IGF2BP3: variants seen among roughly 807,000 people sequenced by gnomAD.
IGF2BP3 encodes the protein insulin-like growth factor 2 mRNA-binding protein 3.
IGF2BP3 carries 9 observed loss-of-function variants against 73.8 expected under a neutral mutation model. That is an observed-to-expected ratio of 0.12 (90% CI 0.07 to 0.21). IGF2BP3 has a LOEUF of 0.21. Among genes scored for constraint, IGF2BP3 ranks in the 10% least tolerant of loss-of-function variants. The pLI is 1.00. For synonymous variants in IGF2BP3, 258 were observed against 256.7 expected, an observed-to-expected ratio of 1.01 and a Z score of -0.05; for missense variants, 542 against 714.0, an observed-to-expected ratio of 0.76 and a Z score of 2.75.
At position 23,312,231 on chromosome 7, in the gene IGF2BP3, T is replaced by A. The variant is rs1251931508; in HGVS notation, c.*131A>T. 1.4e-5 allele frequency: 10 copies of A among 694,790 alleles called. No individual in the cohort carries two copies. Among genetic ancestry groups the A allele is most frequent in the Admixed American group, 2.3e-5 (1 of 42,806 alleles). 43.0% of individuals were successfully genotyped at this position (694,790 alleles called of 1,614,324 possible). A position where few individuals can be genotyped will look rare whatever the true frequency, so the allele number is the denominator to read the frequency against. On this transcript the variant is annotated 3_prime_UTR_variant, in exon 15 of 15. Coordinates refer to ENST00000258729, the MANE Select transcript of IGF2BP3 (RefSeq NM_006547.3). Reference sequence around the variant, plus strand: ...AGACAGGAGTTCAAAAGTTGCCTGGTCCTCAGAAACAACTGGCTAGGTAAA... The same window carrying A: ...AGACAGGAGTTCAAAAGTTGCCTGGACCTCAGAAACAACTGGCTAGGTAAA...
chr7:23,357,264 G>A (rs953702810), intron 5 of IGF2BP3, among the ~76,000 whole-genome samples: 2 of 151,272 alleles, frequency 1.3e-5, no homozygotes, highest in Admixed American at 6.6e-5. Context: ...GAACTGCAAT[G>A]ATAGTTTCTT....
intron 2 of IGF2BP3, among the ~76,000 whole-genome samples, chr7:23,428,208 A>C (rs990506498): frequency 6.6e-6 from 1 of 152,034 alleles, no homozygotes; most frequent in Non-Finnish European, 1.5e-5. Context: ...GCAATGGCTC[A>C]TGCCTGTAAT....
rs1787937669 is a variant in IGF2BP3, at chr7:23,441,603, A to AG, written c.237-22780_237-22779insC. Reference sequence around the variant, plus strand: ...AAAAAAAAAAAAAAAAAAAAAAAAAAAGACACATATGTTAAAATTCTGTAG... The same window carrying AG: ...AAAAAAAAAAAAAAAAAAAAAAAAAAGAGACACATATGTTAAAATTCTGTAG... On this transcript the variant is annotated intron_variant, in intron 2 of 14. Transcript: ENST00000258729. 2.1e-5 allele frequency among the ~76,000 whole-genome samples: 3 copies of AG among 142,320 alleles called. No homozygotes were observed. In the South Asian group the frequency reaches 6.8e-4, roughly 32 times the overall value. The allele number at this position is 142,320 out of a possible 152,430, so 93.4% of individuals were successfully genotyped here.
chr7:23,402,858 G>A (rs921194208), intron 3 of IGF2BP3: 1 of 152,200 alleles, frequency 6.6e-6, no homozygotes, highest in African/African-American at 2.4e-5. Context: ...GAATGATTTA[G>A]AACAGTAATT....
chr7:23,408,226 GACAGTACATT>G (rs1786907183), intron 3 of IGF2BP3, among the ~76,000 whole-genome samples: 1 of 144,222 alleles, frequency 6.9e-6, no homozygotes, highest in African/African-American at 2.5e-5. Context: ...GGAGGTCCTA[GACAGTACATT>G]ACAGCAATAA....
intron 2 of IGF2BP3, among the ~76,000 whole-genome samples, chr7:23,440,590 C>T (rs1158074513): frequency 6.6e-6 from 1 of 152,224 alleles, no homozygotes; most frequent in Non-Finnish European, 1.5e-5. Flanking sequence ...GAATGTGTTA[C>T]ACAGCCAAGT....
chr7:23,329,360 A>T (rs1784386714), intron 10 of IGF2BP3, among the ~76,000 whole-genome samples: 1 of 152,208 alleles, frequency 6.6e-6, no homozygotes, highest in Non-Finnish European at 1.5e-5. Flanking sequence ...ACCACAGTTG[A>T]TTTACCTCAC....
chr7:23,311,881 A>G lies in IGF2BP3; in HGVS notation c.*481T>C. 1 of 154,338 alleles carries G rather than the reference A, an allele frequency of 6.5e-6. No homozygotes were observed. Among genetic ancestry groups the G allele is most frequent in the South Asian group, 2.0e-4 (1 of 4,934 alleles). The allele number at this position is 154,338 out of a possible 1,614,324, so 9.6% of individuals were successfully genotyped here. A position where few individuals can be genotyped will look rare whatever the true frequency, so the allele number is the denominator to read the frequency against. On this transcript the variant is annotated 3_prime_UTR_variant, in exon 15 of 15. Coordinates refer to ENST00000258729, the MANE Select transcript of IGF2BP3 (RefSeq NM_006547.3). ...TAGGTTACTCATGTTAGTGTTAGGT[A>G]AAAATAAAACTGAGAACAGTTTTTC... is the stretch of plus-strand genomic sequence containing the variant.
intron 3 of IGF2BP3, among the ~76,000 whole-genome samples, chr7:23,418,317 G>A (rs1787249831): frequency 6.6e-6 from 1 of 152,126 alleles, no homozygotes; most frequent in Non-Finnish European, 1.5e-5. Flanking sequence ...ATTCAATTGT[G>A]CTAAATAGTT....
intron 3 of IGF2BP3, among the ~76,000 whole-genome samples, chr7:23,382,883 C>T (rs982171854): frequency 9.0e-6 from 1 of 111,470 alleles, no homozygotes; most frequent in African/African-American, 3.2e-5. Flanking sequence ...TACAGAAAAA[C>T]CTAGCTCTAC....
intron 10 of IGF2BP3, among the ~76,000 whole-genome samples, chr7:23,328,869 G>A (rs1275733773): frequency 2.6e-5 from 4 of 152,118 alleles, no homozygotes; most frequent in Non-Finnish European, 5.9e-5. Context: ...TGGAAAACCA[G>A]AAAGGTCAGG....
rs1375366197 is a variant in IGF2BP3 at position 23,359,350 on chromosome 7, G to C, written c.401+2184C>G. Among the ~76,000 whole-genome samples the C allele has an allele frequency of 2.0e-5, 3 of 152,096 alleles. No homozygotes were observed. In the East Asian group the frequency reaches 5.8e-4, roughly 29 times the overall value. ...TCTTATGCCTCTTCAAATCTACATA[G>C]CTTATGTCTCCAACTTATGTTCTCC... On this transcript the variant is annotated intron_variant, in intron 5 of 14. Coordinates refer to ENST00000258729, the MANE Select transcript of IGF2BP3 (RefSeq NM_006547.3).
At chr7:23,331,661 A>G (rs1784447406) in intron 10 of IGF2BP3, among the ~76,000 whole-genome samples, 1 of 152,114 alleles carries the variant, frequency 6.6e-6, no homozygotes, top group Non-Finnish European at 1.5e-5. Flanking sequence ...GGAGTTCGAG[A>G]CCAACCTGGG....
In IGF2BP3 at chr7:23,343,838, C is replaced by T. The variant is rs1378457055; in HGVS notation, c.957G>A (p.Thr319=). The part of the protein sequence containing the change: ...KITISPLQEL[T]LYNPERTITV... ...TAATAGTGCGTTCTGGATTATACAG[C>T]GTCAATTCCTGCAATCTGCAGAATG... is the stretch of plus-strand genomic sequence containing the variant. The change falls in exon 9 of 15, where the codon ACG becomes ACA. Residue 319 remains threonine, a synonymous_variant. Coordinates refer to ENST00000258729, the MANE Select transcript of IGF2BP3 (RefSeq NM_006547.3). 5 of 1,610,890 alleles carry T rather than the reference C, an allele frequency of 3.1e-6. No individual in the cohort carries two copies. The highest frequency in any genetic ancestry group is 3.3e-4 in the Middle Eastern group (2 of 6,048).
intron 3 of IGF2BP3, among the ~76,000 whole-genome samples, chr7:23,400,048 A>T (rs182712692): frequency 7.2e-4 from 109 of 152,300 alleles, no homozygotes; most frequent in African/African-American, 2.5e-3. Flanking sequence ...ATGGTATAAA[A>T]AGTTTGCATC....
chr7:23,339,806 G>A (rs1323976646), intron 10 of IGF2BP3, among the ~76,000 whole-genome samples: 1 of 152,154 alleles, frequency 6.6e-6, no homozygotes, highest in Non-Finnish European at 1.5e-5. Context: ...CTTTTAGTAA[G>A]TGTCATTTTA....
At chr7:23,342,233 C>T in intron 9 of IGF2BP3, 44 bp from the exon 10 acceptor site, 1 of 1,607,628 alleles carries the variant, frequency 6.2e-7, no homozygotes, top group Admixed American at 1.7e-5. Flanking sequence ...TTAAAAGAAT[C>T]AAGGGAAAGT....
intron 10 of IGF2BP3, among the ~76,000 whole-genome samples, chr7:23,323,300 A>G (rs1319658513): frequency 1.3e-5 from 2 of 148,244 alleles, no homozygotes; most frequent in Non-Finnish European, 3.0e-5. Flanking sequence ...CTTTAAACCA[A>G]CAAAGATCAA....
intron 5 of IGF2BP3, among the ~76,000 whole-genome samples, chr7:23,360,318 T>A (rs1452656245): frequency 6.6e-6 from 1 of 152,190 alleles, no homozygotes; most frequent in East Asian, 1.9e-4. Context: ...CTGCGATTAA[T>A]CAAAGTCATG....
Sources: gnomAD v4.1 joint callset for allele counts (sites outside exome capture counted in the v4.1 genomes callset) on GRCh38, gnomAD v4.1.1 for gene constraint, MANE v1.5 for transcripts, NCBI Gene and HGNC (gene_info 2026-07-23, HGNC 2026-07-21) for gene names.